The following GPHN variants were observed in gnomAD, a reference collection of about 807,000 sequenced individuals.
GPHN encodes the protein gephyrin.
A neutral mutation model predicts 95.5 loss-of-function variants in GPHN; 17 were observed. That is an observed-to-expected ratio of 0.18 (90% CI 0.12 to 0.27). The LOEUF (loss-of-function observed/expected upper bound fraction) is 0.27. Ranked by LOEUF, GPHN falls within the 10% of genes least tolerant of loss-of-function variation. GPHN has a pLI of 1.00. For missense variants in GPHN, 660 were observed against 978.1 expected, an observed-to-expected ratio of 0.67 and a Z score of 4.34; for synonymous variants, 320 against 322.5, an observed-to-expected ratio of 0.99 and a Z score of 0.08.
At chr14:67,316,869 A>G in the GPHN span, 2 of 1,612,742 alleles carry the variant, frequency 1.2e-6, no homozygotes, top group Non-Finnish European at 1.7e-6. Context: ...CCATGAAACA[A>G]ACCATAGAAG....
At chr14:67,000,900 C>T (rs1314259987) in intron 9 of GPHN, among the ~76,000 whole-genome samples, 2 of 151,610 alleles carry the variant, frequency 1.3e-5, no homozygotes, top group Non-Finnish European at 3.0e-5. Flanking sequence ...CTTGGGCATA[C>T]ATTTTTAAAT....
chr14:67,045,695 CTCTCTG>C (rs1348065871), intron 10 of GPHN, among the ~76,000 whole-genome samples: 4 of 151,274 alleles, frequency 2.6e-5, no homozygotes, highest in South Asian at 2.1e-4. Flanking sequence ...CTCAGTGTCT[CTCTCTG>C]TCTCTGTCTC....
chr14:67,651,534 C>G, the GPHN span: 1 of 1,597,346 alleles, frequency 6.3e-7, no homozygotes. Context: ...AACCTTCCTT[C>G]TAAACATTTT....
At chr14:67,086,116 T>C (rs1197202889) in intron 11 of GPHN, among the ~76,000 whole-genome samples, 1 of 152,236 alleles carries the variant, frequency 6.6e-6, no homozygotes, top group Admixed American at 6.5e-5. Flanking sequence ...TGTCAATGGA[T>C]ACTTGAGTTG....
the GPHN span, among the ~76,000 whole-genome samples, chr14:67,452,881 A>G: frequency 6.6e-6 from 1 of 152,254 alleles, no homozygotes; most frequent in Non-Finnish European, 1.5e-5. Flanking sequence ...AGGCAGATCC[A>G]GAAATGGAAC....
chr14:66,878,243 T>TA lies in GPHN; in HGVS notation c.295-1695dup, dbSNP rs1222237126. ...ATTAACTCAAGATGAATTAAAGACTTACATGTAAGACCTAAAACTATAAAA... is the reference window on the plus strand; with the variant it reads ...ATTAACTCAAGATGAATTAAAGACTTAACATGTAAGACCTAAAACTATAAAA... On this transcript the variant is annotated intron_variant, in intron 4 of 22. Transcript: ENST00000478722. Among the ~76,000 whole-genome samples the TA allele has an allele frequency of 1.3e-4, 20 of 152,234 alleles. 2 individuals are homozygous for TA. The highest frequency in any genetic ancestry group is 4.6e-4 in the African/African-American group (19 of 41,544).
the GPHN span, among the ~76,000 whole-genome samples, chr14:67,635,989 C>T: frequency 1.3e-5 from 2 of 152,156 alleles, no homozygotes; most frequent in African/African-American, 4.8e-5. Context: ...GATGCAGAGT[C>T]TTTGTTTTTC....
chr14:66,760,446 A>G (rs2058717165), intron 2 of GPHN: 1 of 175,184 alleles, frequency 5.7e-6, no homozygotes, highest in African/African-American at 2.4e-5. Flanking sequence ...TTGTCATATA[A>G]TCTATAAGTT....
At chr14:66,691,410 C>G (rs2067770907) in intron 2 of GPHN, among the ~76,000 whole-genome samples, 1 of 151,972 alleles carries the variant, frequency 6.6e-6, no homozygotes, top group South Asian at 2.1e-4. Context: ...GTCTCGATCT[C>G]CTGACCCTGT....
chr14:67,481,349 A>G, the GPHN span, among the ~76,000 whole-genome samples: 1 of 152,216 alleles, frequency 6.6e-6, no homozygotes. Context: ...GGTGTGCCCC[A>G]AGCCCAGATT....
chr14:67,585,740 C>A, the GPHN span: 1 of 1,138,464 alleles, frequency 8.8e-7, no homozygotes, highest in Non-Finnish European at 1.3e-6. Flanking sequence ...AAAGCCTGAA[C>A]CAAGTGACCA....
At chr14:67,675,547 CTAGGCCCGAGTAA>C in the GPHN span, among the ~76,000 whole-genome samples, 11 of 150,054 alleles carry the variant, frequency 7.3e-5, no homozygotes, top group African/African-American at 2.7e-4. Context: ...ACTCTAGCTG[CTAGGCCCGAGTAA>C]TTCTCCTCGT....
intron 3 of GPHN, among the ~76,000 whole-genome samples, chr14:66,789,972 C>CGT (rs2059914902): frequency 1.3e-5 from 2 of 152,124 alleles, no homozygotes; most frequent in African/African-American, 4.8e-5. Flanking sequence ...TAATTCAAGA[C>CGT]AAAACAGAAC....
chr14:67,427,583 T>A, the GPHN span, among the ~76,000 whole-genome samples: 1 of 152,148 alleles, frequency 6.6e-6, no homozygotes, highest in African/African-American at 2.4e-5. Flanking sequence ...CCACGAGAGC[T>A]CCGTCTTAAG....
chr14:67,493,290 G>C, the GPHN span, among the ~76,000 whole-genome samples: 3 of 152,144 alleles, frequency 2.0e-5, no homozygotes, highest in Non-Finnish European at 4.4e-5. Context: ...ACACGCCCAA[G>C]CATATGCCAT....
chr14:67,414,878 C>A, the GPHN span, among the ~76,000 whole-genome samples: 1 of 152,230 alleles, frequency 6.6e-6, no homozygotes, highest in African/African-American at 2.4e-5. Context: ...TGAGGACCCT[C>A]AAAGCCCAGG....
At chr14:67,009,888 A>G (rs757023341) in intron 9 of GPHN, among the ~76,000 whole-genome samples, 3 of 151,832 alleles carry the variant, frequency 2.0e-5, no homozygotes, top group Non-Finnish European at 2.9e-5. Context: ...CCTCCCGAGT[A>G]GCTGAGATTA....
the GPHN span, among the ~76,000 whole-genome samples, chr14:67,465,970 C>T: frequency 1.3e-5 from 2 of 152,182 alleles, no homozygotes; most frequent in African/African-American, 4.8e-5. Flanking sequence ...GAGGCAAGGC[C>T]AGATCCTCCC....
At chr14:66,582,179 A>G (rs1057445251) in intron 1 of GPHN, among the ~76,000 whole-genome samples, 17 of 152,058 alleles carry the variant, frequency 1.1e-4, no homozygotes, top group Admixed American at 7.9e-4. Context: ...AATTATGCCA[A>G]ATATCATCTC....
Sources: gnomAD v4.1 joint callset for allele counts (sites outside exome capture counted in the v4.1 genomes callset) on GRCh38, gnomAD v4.1.1 for gene constraint, MANE v1.5 for transcripts, NCBI Gene and HGNC (gene_info 2026-07-23, HGNC 2026-07-21) for gene names.